Variants in TCF20 observed in about 807,000 individuals in gnomAD.
TCF20 encodes SPRE-binding protein.
A neutral mutation model predicts 148.6 loss-of-function variants in TCF20; 3 were observed. The observed-to-expected ratio is 0.02, with a 90% confidence interval of 0.01 to 0.05. The LOEUF is 0.05. Among genes scored for constraint, TCF20 ranks in the 10% least tolerant of loss-of-function variants. The pLI, the probability that TCF20 is intolerant of heterozygous loss-of-function variation, is 1.00. For synonymous variants in TCF20, 1,049 were observed against 909.5 expected, an observed-to-expected ratio of 1.15 and a Z score of -2.76; for missense variants, 2,350 against 2,429.3, an observed-to-expected ratio of 0.97 and a Z score of 0.69.
intron 1 of TCF20, chr22:42,343,453 C>A (rs1240404831): frequency 1.3e-5 from 2 of 151,266 alleles, no homozygotes; most frequent in Non-Finnish European, 3.0e-5. Context: ...CCCCCGCCCC[C>A]CGCCGCGCCC....
At chr22:42,224,829 C>T (rs898476071) in intron 1 of TCF20, among the ~76,000 whole-genome samples, 1 of 151,992 alleles carries the variant, frequency 6.6e-6, no homozygotes, top group African/African-American at 2.4e-5. Flanking sequence ...AAACTTATAC[C>T]TGTGCTATGA....
Position 42,211,993 on chromosome 22 carries a change from C to A in TCF20, c.3313G>T (p.Ala1105Ser). 6.2e-7 allele frequency: 1 copy of A among 1,614,226 alleles called. No individual in the cohort carries two copies. Among genetic ancestry groups the A allele is most frequent in the Non-Finnish European group, 8.5e-7 (1 of 1,180,042 alleles). ...EEYKDWSSGS[A>S]QGVIAAAQHR... ...TGTGCTGCAGCAATTACTCCCTGAG[C>A]AGAACCGCTGCTCCAGTCTTTATAC... The change falls in exon 2 of 6, where the codon GCT becomes TCT. Residue 1105 changes from alanine (A) to serine (S), a missense_variant. By Grantham distance (99) the Ala-to-Ser change is moderately conservative (BLOSUM62 1). Transcript: ENST00000677622.
intron 1 of TCF20, among the ~76,000 whole-genome samples, chr22:42,298,761 A>G (rs1189047603): frequency 6.6e-6 from 1 of 152,242 alleles, no homozygotes; most frequent in Non-Finnish European, 1.5e-5. Flanking sequence ...ACCCACCTAG[A>G]TGACAAATTT....
At chr22:42,308,054 T>C (rs1047901030) in intron 1 of TCF20, among the ~76,000 whole-genome samples, 3 of 152,228 alleles carry the variant, frequency 2.0e-5, no homozygotes, top group African/African-American at 7.2e-5. Flanking sequence ...ACGCTATGCA[T>C]TCCCTCCTAA....
At chr22:42,219,062 C>A (rs775786928) in intron 1 of TCF20, among the ~76,000 whole-genome samples, 1 of 152,086 alleles carries the variant, frequency 6.6e-6, no homozygotes, top group East Asian at 1.9e-4. Context: ...CATATACCAA[C>A]GACAGAAAAT....
intron 1 of TCF20, among the ~76,000 whole-genome samples, chr22:42,238,139 G>C (rs1924045300): frequency 6.6e-6 from 1 of 152,198 alleles, no homozygotes; most frequent in Non-Finnish European, 1.5e-5. Flanking sequence ...CTTCATCAGT[G>C]ATCTTGGCTA....
At chr22:42,169,796 A>G in intron 4 of TCF20, 51 bp downstream of exon 4, 1 of 1,601,204 alleles carries the variant, frequency 6.2e-7, no homozygotes, top group Non-Finnish European at 8.5e-7. Flanking sequence ...TTTCAGGAGG[A>G]GCCACCCTCG....
upstream of TCF20, chr22:42,274,672 C>T (rs1269447183): frequency 6.6e-6 from 1 of 152,268 alleles, no homozygotes; most frequent in African/African-American, 2.4e-5. Flanking sequence ...ACAGAAACTT[C>T]TGCTCTCCAG....
At chr22:42,218,868 C>T (rs774382383) in intron 1 of TCF20, among the ~76,000 whole-genome samples, 1 of 151,722 alleles carries the variant, frequency 6.6e-6, no homozygotes, top group South Asian at 2.1e-4. Flanking sequence ...TACCCCTTTC[C>T]CTATTGTTAT....
At chr22:42,229,671 T>C (rs1318883903) in intron 1 of TCF20, among the ~76,000 whole-genome samples, 1 of 152,176 alleles carries the variant, frequency 6.6e-6, no homozygotes, top group Non-Finnish European at 1.5e-5. Flanking sequence ...ACACAGACCA[T>C]GCGCTCCGAC....
chr22:42,269,673 G>A (rs957177749), intron 1 of TCF20: 1 of 152,440 alleles, frequency 6.6e-6, no homozygotes, highest in Non-Finnish European at 1.5e-5. Flanking sequence ...TCCCCGCGGC[G>A]CGGGAGGAGA....
In TCF20 at chr22:42,161,972, C is replaced by CTTTTTTTTTTTTTTTTTTT. The variant is rs3045573; in HGVS notation, c.*45-633_*45-615dup. Among the ~76,000 whole-genome samples the CTTTTTTTTTTTTTTTTTTT allele has an allele frequency of 1.2e-4, 9 of 75,030 alleles. 2 individuals carry two copies. The highest frequency in any genetic ancestry group is 5.1e-4 in the African/African-American group (8 of 15,666). 49.2% of individuals were successfully genotyped at this position (75,030 alleles called of 152,430 possible). ...GCCACCATGCTTGGCTAATGACAGTCTTTTTTTTTTTTTTTTTTTTTTTTT... is the reference window on the plus strand; with the variant it reads ...GCCACCATGCTTGGCTAATGACAGTCTTTTTTTTTTTTTTTTTTTTTTTTTTTTTTTTTTTTTTTTTTTT... On this transcript the variant is annotated intron_variant, in intron 5 of 5. Coordinates refer to ENST00000677622, the MANE Select transcript of TCF20 (RefSeq NM_001378418.1).
intron 1 of TCF20, among the ~76,000 whole-genome samples, chr22:42,334,860 T>C (rs536189401): frequency 6.6e-6 from 1 of 152,242 alleles, no homozygotes; most frequent in East Asian, 1.9e-4. Context: ...CCCATGGGAC[T>C]TTTAGTCCTT....
intron 5 of TCF20, among the ~76,000 whole-genome samples, chr22:42,165,038 T>G (rs1935697278): frequency 6.6e-6 from 1 of 152,170 alleles, no homozygotes; most frequent in South Asian, 2.1e-4. Flanking sequence ...GGAGGCCTAA[T>G]GAAGATTGCA....
chr22:42,322,297 G>A (rs187544856), intron 1 of TCF20, among the ~76,000 whole-genome samples: 10 of 152,018 alleles, frequency 6.6e-5, no homozygotes, highest in Non-Finnish European at 8.8e-5. Flanking sequence ...AGATGTATAA[G>A]AGGACCCTGG....
At chr22:42,183,982 T>C (rs1936918890) in intron 2 of TCF20, among the ~76,000 whole-genome samples, 1 of 152,124 alleles carries the variant, frequency 6.6e-6, no homozygotes, top group Non-Finnish European at 1.5e-5. Context: ...TTGGCCAGGC[T>C]AGTCTTGAAC....
At chr22:42,182,137 T>C (rs1385170255) in intron 2 of TCF20, among the ~76,000 whole-genome samples, 1 of 152,172 alleles carries the variant, frequency 6.6e-6, no homozygotes, top group East Asian at 1.9e-4. Context: ...CTAGCCTTGT[T>C]ACAGGAAACT....
intron 1 of TCF20, among the ~76,000 whole-genome samples, chr22:42,244,366 A>G (rs73431699): frequency 0.039 from 5,969 of 152,346 alleles, 390 homozygotes; most frequent in African/African-American, 0.14. Context: ...CAAAATAGCC[A>G]AAAGGTGGAA....
rs959770608 is a variant in TCF20, at chr22:42,209,955, G to C, written c.5351C>G (p.Pro1784Arg). ...CGAGCGGTGGCGCCGCTTAAACCTG[G>C]GGTGTGCGGCCAGGCTTCTCTGCTC... ...QKEQRSLAAHPRFKRRHRSED... is the reference protein window; with the variant it reads ...QKEQRSLAAHRRFKRRHRSED... The change falls in exon 2 of 6, where the codon CCC becomes CGC. Residue 1784 changes from proline to arginine, a missense_variant. Physicochemically the swap from Pro to Arg is moderately radical, Grantham distance 103. Transcript: ENST00000677622. 1 of 1,613,810 alleles carries C rather than the reference G, an allele frequency of 6.2e-7. No individual in the cohort carries two copies. Among genetic ancestry groups the C allele is most frequent in the Non-Finnish European group, 8.5e-7 (1 of 1,180,002 alleles).
Sources: allele counts gnomAD v4.1 joint callset (sites outside exome capture counted in the v4.1 genomes callset), GRCh38; gene constraint gnomAD v4.1.1; transcripts MANE v1.5; gene names NCBI Gene and HGNC (gene_info 2026-07-23, HGNC 2026-07-21).